Variants in PFKFB3 observed in about 807,000 individuals in gnomAD.
PFKFB3 encodes the protein 6-phosphofructo-2-kinase/fructose-2,6-biphosphatase 3.
Under a neutral mutation model 68.0 loss-of-function variants are expected in PFKFB3, and 33 were observed. The ratio of observed to expected loss-of-function variants is 0.49; its 90% confidence interval spans 0.37 to 0.65. The LOEUF (loss-of-function observed/expected upper bound fraction) is 0.65. Ranked by LOEUF, PFKFB3 falls within the 30% of genes least tolerant of loss-of-function variation. PFKFB3 has a pLI of 0.00. For synonymous variants in PFKFB3, 315 were observed against 288.2 expected (o/e 1.09, Z -0.94); for missense variants, 586 against 712.2 (o/e 0.82, Z 2.02).
rs550281962 is a variant in PFKFB3 at position 6,154,350 on chromosome 10, ATCC to A, written c.16+9342_16+9344del. On this transcript the variant is annotated intron_variant, in intron 1 of 14. Transcript: ENST00000379789. This position sits in a 1 kb window ranked among gnomAD's most constrained non-coding sequence, Gnocchi z 4.6. ...AACCTCTGCCTCTCGAGTTCAAGCG[ATCC>A]TCCTGCCTCAGCCTCCAGGGCAGCT... Among the ~76,000 whole-genome samples, 121 of 151,846 alleles carry A rather than the reference ATCC, an allele frequency of 8.0e-4. No individual in the cohort carries two copies. The highest frequency in any genetic ancestry group is 2.8e-3 in the African/African-American group (115 of 41,380).
At chr10:6,302,444 C>A in the PFKFB3 span, among the ~76,000 whole-genome samples, 1 of 128,032 alleles carries the variant, frequency 7.8e-6, no homozygotes, top group Non-Finnish European at 1.6e-5. Flanking sequence ...TGCAGTGGTG[C>A]AACCTTGGCT....
chr10:6,261,900 G>A, the PFKFB3 span, among the ~76,000 whole-genome samples: 461 of 152,226 alleles, frequency 3.0e-3, 3 homozygotes, highest in African/African-American at 0.011. Context: ...AGGAAGCTGA[G>A]GCAGGAGAAT....
At chr10:6,176,755 T>C (rs1286257085) in intron 1 of PFKFB3, among the ~76,000 whole-genome samples, 1 of 152,214 alleles carries the variant, frequency 6.6e-6, no homozygotes, top group Non-Finnish European at 1.5e-5. Context: ...GGGCCCTCCC[T>C]AGTCCTGGCT....
chr10:6,172,293 G>A (rs1298822622), intron 1 of PFKFB3, among the ~76,000 whole-genome samples: 1 of 152,204 alleles, frequency 6.6e-6, no homozygotes, highest in African/African-American at 2.4e-5. Flanking sequence ...AGAGGGAGGC[G>A]CACAGGCGGG....
chr10:6,302,783 T>TGC, the PFKFB3 span, among the ~76,000 whole-genome samples: 1 of 133,042 alleles, frequency 7.5e-6, no homozygotes, highest in African/African-American at 2.6e-5. Flanking sequence ...CACACACATA[T>TGC]ACACATACAC....
chr10:6,238,477 C>CAAAAA (rs71390201), downstream of PFKFB3, among the ~76,000 whole-genome samples: 121 of 89,470 alleles, frequency 1.4e-3, no homozygotes, highest in Non-Finnish European at 1.9e-3. Context: ...GGTGCCATCT[C>CAAAAA]AAAAAAAAAA....
At chr10:6,204,255 C>G (rs1048375108) in intron 1 of PFKFB3, among the ~76,000 whole-genome samples, 12 of 152,258 alleles carry the variant, frequency 7.9e-5, no homozygotes, top group Non-Finnish European at 4.4e-5. Flanking sequence ...GTAATGCGCC[C>G]CGGCTCCCAT....
At chr10:6,303,210 G>A in the PFKFB3 span, among the ~76,000 whole-genome samples, 15 of 152,280 alleles carry the variant, frequency 9.9e-5, no homozygotes, top group Admixed American at 9.8e-4. Context: ...ATATGTATAT[G>A]CTGTGTGAGG....
At chr10:6,196,158 GTC>G (rs1843170284) in intron 1 of PFKFB3, among the ~76,000 whole-genome samples, 1 of 150,144 alleles carries the variant, frequency 6.7e-6, no homozygotes, top group African/African-American at 2.5e-5. Context: ...TTGAGATGGA[GTC>G]TCGCTCTGTC....
In PFKFB3 at chr10:6,223,945, A is replaced by G; in HGVS notation, c.1214-13A>G. ...TCTCATTTCTAACTGTGGGTGTACA[A>G]TTTCAATTTCAGAGGAGATGCCCTA... On this transcript the variant is annotated splice_polypyrimidine_tract_variant and intron_variant, in intron 11 of 14. Coordinates refer to ENST00000379775, the MANE Select transcript of PFKFB3 (RefSeq NM_004566.4). The G allele has an allele frequency of 6.2e-7, 1 of 1,612,786 alleles. No homozygotes were observed. Among genetic ancestry groups the G allele is most frequent in the Non-Finnish European group, 8.5e-7 (1 of 1,178,888 alleles).
chr10:6,207,280 A>C (rs1023645611), intron 1 of PFKFB3, among the ~76,000 whole-genome samples: 1 of 152,330 alleles, frequency 6.6e-6, no homozygotes, highest in Admixed American at 6.5e-5. Flanking sequence ...CACCAAAAAA[A>C]TACGAAAACC....
At chr10:6,145,895 T>TAAG (rs1378780583) in intron 1 of PFKFB3, among the ~76,000 whole-genome samples, 1 of 151,642 alleles carries the variant, frequency 6.6e-6, no homozygotes, top group African/African-American at 2.4e-5. Flanking sequence ...ACAGGCCGGG[T>TAAG]GGTTGGAGGC....
At chr10:6,282,525 G>A in the PFKFB3 span, among the ~76,000 whole-genome samples, 1 of 152,232 alleles carries the variant, frequency 6.6e-6, no homozygotes, top group African/African-American at 2.4e-5. Flanking sequence ...AGCAGATGTA[G>A]TGAGGCTGGG....
At chr10:6,157,444 T>G (rs922734452) in intron 1 of PFKFB3, among the ~76,000 whole-genome samples, 3 of 152,246 alleles carry the variant, frequency 2.0e-5, no homozygotes, top group African/African-American at 7.2e-5. Flanking sequence ...GCCAGGATGG[T>G]CTCGATCTCC....
the PFKFB3 span, chr10:6,293,211 A>G: frequency 2.1e-6 from 1 of 469,368 alleles, no homozygotes; most frequent in Non-Finnish European, 4.3e-6. Flanking sequence ...CGAGTCCCAG[A>G]TGTTGACAGT....
At chr10:6,239,743 G>A (rs117833412), downstream of PFKFB3, among the ~76,000 whole-genome samples, 234 of 152,206 alleles carry the variant, frequency 1.5e-3, 4 homozygotes, top group East Asian at 0.011. Context: ...GCATGATGTC[G>A]ATTCACTGCA....
At chr10:6,177,448 C>CTTTCTTTCT (rs1842546126) in intron 1 of PFKFB3, among the ~76,000 whole-genome samples, 1 of 113,298 alleles carries the variant, frequency 8.8e-6, no homozygotes, top group Non-Finnish European at 1.9e-5. Context: ...CTCTTTCTTT[C>CTTTCTTTCT]TTTCTTTCTT....
chr10:6,182,571 G>A (rs1842747213), intron 1 of PFKFB3, among the ~76,000 whole-genome samples: 1 of 152,240 alleles, frequency 6.6e-6, no homozygotes, highest in Non-Finnish European at 1.5e-5. Flanking sequence ...CATCACAAGT[G>A]CAAAGCTTCC....
At chr10:6,267,421 A>G in the PFKFB3 span, among the ~76,000 whole-genome samples, 1 of 152,154 alleles carries the variant, frequency 6.6e-6, no homozygotes, top group Non-Finnish European at 1.5e-5. Context: ...TGGCTAATAC[A>G]GGGAAGTAGG....
Sources: gnomAD v4.1 joint callset for allele counts (sites outside exome capture counted in the v4.1 genomes callset) on GRCh38, gnomAD v4.1.1 for gene constraint, Gnocchi (gnomAD v3.1) non-coding constraint, MANE v1.5 for transcripts, NCBI Gene and HGNC (gene_info 2026-07-23, HGNC 2026-07-21) for gene names.